The following CAMK2D variants were observed in gnomAD, a reference collection of about 807,000 sequenced individuals.
CAMK2D encodes the protein calcium/calmodulin-dependent protein kinase type II subunit delta.
In CAMK2D, 37 loss-of-function variants were observed where a neutral mutation model predicts 84.0. That is an observed-to-expected ratio of 0.44 (90% CI 0.34 to 0.58). CAMK2D has a LOEUF of 0.58. Ranked by LOEUF, CAMK2D falls within the 20% of genes least tolerant of loss-of-function variation. The pLI, the probability that CAMK2D is intolerant of heterozygous loss-of-function variation, is 0.02. For missense variants in CAMK2D, 448 were observed against 652.5 expected, an observed-to-expected ratio of 0.69 and a Z score of 3.41; for synonymous variants, 202 against 212.5, an observed-to-expected ratio of 0.95 and a Z score of 0.43.
At chr4:113,649,026 C>G (rs1013839251) in intron 3 of CAMK2D, among the ~76,000 whole-genome samples, 1 of 152,140 alleles carries the variant, frequency 6.6e-6, no homozygotes, top group African/African-American at 2.4e-5. Context: ...TCTCTAGTCA[C>G]GCAAACTAGA....
chr4:113,491,613 T>C (rs1425728789), intron 16 of CAMK2D, among the ~76,000 whole-genome samples: 1 of 152,178 alleles, frequency 6.6e-6, no homozygotes, highest in East Asian at 1.9e-4. Context: ...TCTTTTTTTG[T>C]TGTGTCTCTG....
chr4:113,516,032 A>ATGAT (rs781078008), intron 9 of CAMK2D, among the ~76,000 whole-genome samples: 4 of 152,182 alleles, frequency 2.6e-5, no homozygotes, highest in African/African-American at 4.8e-5. Context: ...TAGTTGCAAA[A>ATGAT]TGATAGAATA....
At chr4:113,552,144 AT>A (rs1465381117) in intron 4 of CAMK2D, 48 bp from the exon 5 acceptor site, 3 of 1,007,812 alleles carry the variant, frequency 3.0e-6, no homozygotes, top group Non-Finnish European at 4.6e-6. Flanking sequence ...GCAAAAAAAA[AT>A]AAGCATCAAT....
At chr4:113,610,802 G>A (rs772978972) in intron 3 of CAMK2D, among the ~76,000 whole-genome samples, 1 of 152,042 alleles carries the variant, frequency 6.6e-6, no homozygotes, top group Non-Finnish European at 1.5e-5. Context: ...TGCCACCCTT[G>A]AGGTCATTCA....
intron 2 of CAMK2D, among the ~76,000 whole-genome samples, chr4:113,682,981 T>C (rs565579247): frequency 2.0e-5 from 3 of 152,310 alleles, no homozygotes; most frequent in Admixed American, 2.0e-4. Flanking sequence ...CTACCCTAAA[T>C]ACATTTGAGT....
chr4:113,562,290 A>G (rs2098701900), intron 4 of CAMK2D, among the ~76,000 whole-genome samples: 2 of 152,192 alleles, frequency 1.3e-5, no homozygotes, highest in African/African-American at 4.8e-5. Context: ...GAAACAGCCA[A>G]GCAGAGGCAT....
chr4:113,526,334 G>C (rs2154178551), intron 8 of CAMK2D, among the ~76,000 whole-genome samples: 1 of 152,068 alleles, frequency 6.6e-6, no homozygotes, highest in Middle Eastern at 3.4e-3. Context: ...ATACAATATA[G>C]CAAGGTGAAA....
intron 2 of CAMK2D, among the ~76,000 whole-genome samples, chr4:113,689,015 C>A (rs936503051): frequency 6.7e-6 from 1 of 149,974 alleles, no homozygotes; most frequent in Non-Finnish European, 1.5e-5. Flanking sequence ...GAGGCCAAGG[C>A]GGGCAGATCA....
At chr4:113,585,995 C>A (rs1294535645) in intron 4 of CAMK2D, among the ~76,000 whole-genome samples, 2 of 152,164 alleles carry the variant, frequency 1.3e-5, no homozygotes, top group African/African-American at 4.8e-5. Context: ...TGAATCCTGG[C>A]TGCCTCTTCT....
intron 2 of CAMK2D, among the ~76,000 whole-genome samples, chr4:113,740,632 T>C (rs899166304): frequency 6.6e-6 from 1 of 152,098 alleles, no homozygotes; most frequent in Admixed American, 6.6e-5. Context: ...CATTAGATAG[T>C]TGGTTTGACT....
intron 2 of CAMK2D, among the ~76,000 whole-genome samples, chr4:113,756,857 A>G (rs1474073337): frequency 2.0e-5 from 3 of 152,114 alleles, no homozygotes; most frequent in Non-Finnish European, 4.4e-5. Context: ...CAAGTTAAAC[A>G]AACGTATTCA....
intron 2 of CAMK2D, among the ~76,000 whole-genome samples, chr4:113,695,793 T>C (rs1190465096): frequency 6.6e-6 from 1 of 152,096 alleles, no homozygotes; most frequent in African/African-American, 2.4e-5. Context: ...ATTGACCCCA[T>C]TGCCTCCTAA....
intron 13 of CAMK2D, among the ~76,000 whole-genome samples, chr4:113,506,317 A>G (rs1480166270): frequency 3.3e-5 from 5 of 152,190 alleles, no homozygotes; most frequent in African/African-American, 1.2e-4. Context: ...GATTACTGGT[A>G]TCGTTATTTT....
intron 4 of CAMK2D, among the ~76,000 whole-genome samples, chr4:113,594,255 G>A (rs1561223056): frequency 6.6e-6 from 1 of 152,076 alleles, no homozygotes; most frequent in Non-Finnish European, 1.5e-5. Flanking sequence ...CCCCATGATC[G>A]AATCACCTCC....
chr4:113,584,890 A>G (rs2098827079), intron 4 of CAMK2D, among the ~76,000 whole-genome samples: 1 of 152,118 alleles, frequency 6.6e-6, no homozygotes, highest in Admixed American at 6.5e-5. Context: ...TTCTTTACGT[A>G]TTTCTGCCTA....
intron 16 of CAMK2D, among the ~76,000 whole-genome samples, chr4:113,492,333 T>C (rs1341467559): frequency 6.6e-6 from 1 of 152,226 alleles, no homozygotes; most frequent in Non-Finnish European, 1.5e-5. Flanking sequence ...GAGATTCTGG[T>C]ATGTTGTGTC....
At chr4:113,717,423 A>G (rs770592625) in intron 2 of CAMK2D, among the ~76,000 whole-genome samples, 4 of 152,162 alleles carry the variant, frequency 2.6e-5, no homozygotes, top group Non-Finnish European at 5.9e-5. Flanking sequence ...ATAATCTCGT[A>G]TAATCAACTT....
chr4:113,678,179 A>G (rs188107999), intron 2 of CAMK2D, among the ~76,000 whole-genome samples: 2 of 152,314 alleles, frequency 1.3e-5, no homozygotes, highest in East Asian at 3.9e-4. Flanking sequence ...GAATAGTTCT[A>G]TGAAGAAGCT....
chr4:113,735,680 C>T (rs2099579769), intron 2 of CAMK2D, among the ~76,000 whole-genome samples: 1 of 152,170 alleles, frequency 6.6e-6, no homozygotes, highest in Non-Finnish European at 1.5e-5. Flanking sequence ...AAAACATACT[C>T]TAGTAATTTA....
Sources: allele counts gnomAD v4.1 joint callset (sites outside exome capture counted in the v4.1 genomes callset), GRCh38; gene constraint gnomAD v4.1.1; transcripts MANE v1.5; gene names NCBI Gene and HGNC (gene_info 2026-07-23, HGNC 2026-07-21).